Variants in ATP6V1E1 observed in about 807,000 individuals in gnomAD.
ATP6V1E1 encodes ATPase H+ transporting V1 subunit E1, also known as V-type proton ATPase subunit E 1.
ATP6V1E1 carries 21 observed loss-of-function variants against 35.2 expected under a neutral mutation model. That is an observed-to-expected ratio of 0.60 (90% CI 0.42 to 0.86). The LOEUF is 0.86. Among genes scored for constraint, ATP6V1E1 ranks in the 40% least tolerant of loss-of-function variants. ATP6V1E1 has a pLI of 0.00. For synonymous variants in ATP6V1E1, 83 were observed against 87.8 expected (o/e 0.95, Z 0.30); for missense variants, 183 against 272.6 (o/e 0.67, Z 2.32).
At chr22:17,598,158 G>T in intron 7 of ATP6V1E1, 36 bp downstream of exon 7, 1 of 1,530,528 alleles carries the variant, frequency 6.5e-7, no homozygotes, top group Non-Finnish European at 9.0e-7. Context: ...CTCCCAGGGA[G>T]AGAAGGTAGC....
intron 5 of ATP6V1E1, chr22:17,600,550 T>A (rs1555957141): frequency 6.4e-6 from 1 of 156,950 alleles, no homozygotes; most frequent in Non-Finnish European, 1.4e-5. Context: ...ATGGCATATA[T>A]CACATAAGAC....
Position 17,592,742 on chromosome 22 carries a change from G to T in ATP6V1E1, c.619-6C>A. On this transcript the variant is annotated splice_region_variant and splice_polypyrimidine_tract_variant and intron_variant, in intron 8 of 8. Coordinates refer to ENST00000253413, the MANE Select transcript of ATP6V1E1 (RefSeq NM_001696.4). Reference sequence around the variant, plus strand: ...CCCCGGACTTCTGGCATCATCTGTGGAGAGAAAGTGTAATAAATACGCAAT... The same window carrying T: ...CCCCGGACTTCTGGCATCATCTGTGTAGAGAAAGTGTAATAAATACGCAAT... The T allele has an allele frequency of 6.2e-7, 1 of 1,612,950 alleles. No individual in the cohort carries two copies. Among genetic ancestry groups the T allele is most frequent in the Non-Finnish European group, 8.5e-7 (1 of 1,179,162 alleles).
At chr22:17,598,676 T>C (rs1340670651) in intron 6 of ATP6V1E1, among the ~76,000 whole-genome samples, 2 of 152,066 alleles carry the variant, frequency 1.3e-5, no homozygotes, top group African/African-American at 2.4e-5. Context: ...CAACTGGCAG[T>C]TGCAGATGAG....
At chr22:17,599,430 G>A (rs1045808230) in intron 6 of ATP6V1E1, among the ~76,000 whole-genome samples, 2 of 150,582 alleles carry the variant, frequency 1.3e-5, no homozygotes, top group African/African-American at 4.9e-5. Context: ...CAAAAAATTA[G>A]CCAGGCATGG....
intron 1 of ATP6V1E1, among the ~76,000 whole-genome samples, chr22:17,626,482 C>T (rs2057906386): frequency 6.6e-6 from 1 of 152,020 alleles, no homozygotes; most frequent in African/African-American, 2.4e-5. Flanking sequence ...TCAAATGATT[C>T]TCCCACATCA....
intron 7 of ATP6V1E1, 165 bp downstream of exon 7, chr22:17,598,029 C>T: frequency 3.3e-6 from 2 of 613,368 alleles, no homozygotes; most frequent in South Asian, 4.0e-5. Context: ...AGCAAGAGAG[C>T]ACTGCGAGAA....
At chr22:17,603,841 G>A (rs1452189999) in intron 4 of ATP6V1E1, among the ~76,000 whole-genome samples, 1 of 152,098 alleles carries the variant, frequency 6.6e-6, no homozygotes, top group Non-Finnish European at 1.5e-5. Flanking sequence ...CACCAAAAGA[G>A]CCCTCTAACA....
intron 4 of ATP6V1E1, among the ~76,000 whole-genome samples, chr22:17,604,608 C>G (rs1038453743): frequency 1.3e-4 from 20 of 151,920 alleles, no homozygotes; most frequent in African/African-American, 4.8e-4. Flanking sequence ...CAACCTCCGC[C>G]CCCTGGGTTC....
chr22:17,621,087 G>A (rs2057874652), intron 1 of ATP6V1E1, among the ~76,000 whole-genome samples: 2 of 151,970 alleles, frequency 1.3e-5, no homozygotes, highest in East Asian at 3.9e-4. Flanking sequence ...TCTTTACCTT[G>A]CCCACCTCGC....
In ATP6V1E1 at chr22:17,601,158, C is replaced by T; in HGVS notation, c.300G>A (p.Gln100=). 6.2e-7 allele frequency: 1 copy of T among 1,613,648 alleles called. No individual in the cohort carries two copies. The highest frequency in any genetic ancestry group is 1.1e-5 in the South Asian group (1 of 91,038). Residue 100 remains glutamine (Q), a synonymous_variant, in exon 5 of 9, where the codon CAG becomes CAA. Transcript: ENST00000253413. ...TATCTTTTACCACCTTGCTGAGTCT[C>T]TGTTTTGCTTCATTTAGTAGGTCCT... ...LITDLLNEAK[Q]RLSKVVKDTT...
At chr22:17,626,657 A>T (rs1204300258) in intron 1 of ATP6V1E1, among the ~76,000 whole-genome samples, 4 of 151,322 alleles carry the variant, frequency 2.6e-5, no homozygotes, top group African/African-American at 9.7e-5. Context: ...TCAGCCTCCT[A>T]GTAGTTGGGA....
chr22:17,599,777 A>C (rs2057752794), intron 6 of ATP6V1E1, among the ~76,000 whole-genome samples: 1 of 150,794 alleles, frequency 6.6e-6, no homozygotes, highest in Non-Finnish European at 1.5e-5. Flanking sequence ...AAAATTAGTC[A>C]GGCATGGTGG....
At chr22:17,628,753 C>G, upstream of ATP6V1E1, 1 of 1,424,052 alleles carries the variant, frequency 7.0e-7, no homozygotes, top group South Asian at 1.2e-5. Flanking sequence ...ACTTTATAAC[C>G]GCGGGTTCCG....
chr22:17,613,077 G>T (rs754041506), intron 3 of ATP6V1E1, 134 bp downstream of exon 3: 21 of 892,264 alleles, frequency 2.4e-5, no homozygotes, highest in Non-Finnish European at 3.6e-5. Flanking sequence ...TGAAGAAAGA[G>T]AAGTTAAACA....
chr22:17,607,909 C>T (rs1320166466), intron 4 of ATP6V1E1, among the ~76,000 whole-genome samples: 1 of 152,158 alleles, frequency 6.6e-6, no homozygotes, highest in African/African-American at 2.4e-5. Context: ...TCAGCAGACA[C>T]TCAAGGCCCT....
intron 1 of ATP6V1E1, among the ~76,000 whole-genome samples, chr22:17,625,426 T>C (rs886387345): frequency 2.6e-5 from 4 of 152,152 alleles, no homozygotes; most frequent in African/African-American, 9.7e-5. Flanking sequence ...GCCCGGCTAA[T>C]TTTGAATTTT....
intron 8 of ATP6V1E1, 23 bp from the exon 9 acceptor site, chr22:17,592,759 A>G: frequency 6.2e-7 from 1 of 1,602,888 alleles, no homozygotes; most frequent in South Asian, 1.1e-5. Context: ...AGTGTAATAA[A>G]TACGCAATGT....
chr22:17,620,308 T>C (rs5992763), intron 1 of ATP6V1E1, among the ~76,000 whole-genome samples: 151,615 of 151,964 alleles, frequency 1, 75,633 homozygotes, highest in Middle Eastern at 1. Context: ...CCACCATGCC[T>C]GGCTAATTTT....
At chr22:17,621,854 G>T (rs1267677817) in intron 1 of ATP6V1E1, among the ~76,000 whole-genome samples, 2 of 151,984 alleles carry the variant, frequency 1.3e-5, no homozygotes, top group African/African-American at 4.8e-5. Context: ...CCTCTATCAC[G>T]GCACCTAAAC....
Sources: gnomAD v4.1 joint callset for allele counts (sites outside exome capture counted in the v4.1 genomes callset) on GRCh38, gnomAD v4.1.1 for gene constraint, MANE v1.5 for transcripts, NCBI Gene and HGNC (gene_info 2026-07-23, HGNC 2026-07-21) for gene names.